Variants in STAG1 observed in about 807,000 individuals in gnomAD.
The protein encoded by STAG1 is cohesin subunit SA-1.
Under a neutral mutation model 170.9 loss-of-function variants are expected in STAG1, and 26 were observed. The observed-to-expected ratio is 0.15, with a 90% confidence interval of 0.11 to 0.21. STAG1 has a LOEUF of 0.21. STAG1 is among the 10% of genes least tolerant of loss of function. The probability of loss-of-function intolerance (pLI) is 1.00; values close to 1 mark genes in which losing one functional copy is unlikely to be tolerated. For missense variants in STAG1, 964 were observed against 1,509.5 expected (o/e 0.64, Z 5.99); for synonymous variants, 514 against 497.7 (o/e 1.03, Z -0.44).
chr3:136,708,559 A>G (rs1479618541), intron 1 of STAG1, among the ~76,000 whole-genome samples: 1 of 152,178 alleles, frequency 6.6e-6, no homozygotes, highest in East Asian at 1.9e-4. Flanking sequence ...GCACAACAAC[A>G]CAATTGCACT....
chr3:136,712,149 C>T (rs1449313163), intron 1 of STAG1, among the ~76,000 whole-genome samples: 1 of 152,206 alleles, frequency 6.6e-6, no homozygotes, highest in East Asian at 1.9e-4. Flanking sequence ...TCCTGAGTAA[C>T]TGGGATTACA....
rs185917166 is a variant in STAG1 at position 136,421,089 on chromosome 3, G to A, written c.2108+4C>T. ...TTGCCTTTACTTTAAATAAAATAACGTACTTGTGAAAAGAAGTTAACCGCT... is the reference window on the plus strand; with the variant it reads ...TTGCCTTTACTTTAAATAAAATAACATACTTGTGAAAAGAAGTTAACCGCT... On this transcript the variant is annotated splice_donor_region_variant and intron_variant, in intron 20 of 33. Coordinates refer to ENST00000383202, the MANE Select transcript of STAG1 (RefSeq NM_005862.3). The A allele has an allele frequency of 2.4e-3, 3,837 of 1,585,878 alleles. 14 individuals are homozygous for A. Among genetic ancestry groups the A allele is most frequent in the Admixed American group, 0.016 (952 of 57,748 alleles).
chr3:136,514,164 AAAGT>A (rs1934226765), intron 7 of STAG1, among the ~76,000 whole-genome samples: 1 of 152,238 alleles, frequency 6.6e-6, no homozygotes, highest in Admixed American at 6.5e-5. Flanking sequence ...ATGAAAACGA[AAAGT>A]ATGTTAAAAC....
intron 1 of STAG1, among the ~76,000 whole-genome samples, chr3:136,666,460 T>C (rs1434011426): frequency 6.6e-6 from 1 of 152,192 alleles, no homozygotes; most frequent in Non-Finnish European, 1.5e-5. Context: ...GTAACACTAG[T>C]TTTGCAGATC....
chr3:136,644,803 C>T (rs1313676510), intron 1 of STAG1, among the ~76,000 whole-genome samples: 2 of 152,126 alleles, frequency 1.3e-5, no homozygotes, highest in East Asian at 1.9e-4. Context: ...ATACTGGAAC[C>T]TCCCCTTCAC....
At chr3:136,362,209 T>G (rs1200924417) in intron 26 of STAG1, among the ~76,000 whole-genome samples, 1 of 151,966 alleles carries the variant, frequency 6.6e-6, no homozygotes, top group Non-Finnish European at 1.5e-5. Context: ...TCTACCCGCC[T>G]CGGCCTCCCA....
At chr3:136,358,597 C>G (rs1936743688) in intron 27 of STAG1, among the ~76,000 whole-genome samples, 1 of 152,080 alleles carries the variant, frequency 6.6e-6, no homozygotes, top group Non-Finnish European at 1.5e-5. Context: ...TTTTCAGAGT[C>G]AGGTTCTCAC....
At chr3:136,467,379 C>T (rs1214861142) in intron 12 of STAG1, among the ~76,000 whole-genome samples, 2 of 152,080 alleles carry the variant, frequency 1.3e-5, no homozygotes, top group Non-Finnish European at 2.9e-5. Flanking sequence ...ATAAAACAGA[C>T]TTTAAACCAA....
intron 21 of STAG1, among the ~76,000 whole-genome samples, chr3:136,399,554 T>C (rs2087258756): frequency 1.3e-5 from 2 of 152,222 alleles, no homozygotes; most frequent in African/African-American, 4.8e-5. Flanking sequence ...TGCATGTACC[T>C]AGAGTTCATT....
rs1305116151 is a variant in STAG1, at chr3:136,369,178, G to C, written c.2475C>G (p.Leu825=). The C allele has an allele frequency of 6.2e-7, 1 of 1,603,280 alleles. No homozygotes were observed. Residue 825 remains leucine (L), a synonymous_variant, in exon 24 of 34, where the codon CTC becomes CTG. Transcript: ENST00000383202. The part of the protein sequence containing the change: ...QPLVFNPDTG[L]QSELLSFVMD... Reference sequence around the variant, plus strand: ...TCACAAAACTGAGGAGTTCAGATTGGAGTCCAGTATCTGGATTGAACACCA... The same window carrying C: ...TCACAAAACTGAGGAGTTCAGATTGCAGTCCAGTATCTGGATTGAACACCA...
intron 5 of STAG1, among the ~76,000 whole-genome samples, chr3:136,565,003 A>AGGCAGGC (rs1937003058): frequency 1.6e-5 from 1 of 62,454 alleles, no homozygotes; most frequent in East Asian, 2.9e-4. Flanking sequence ...GGAAGGAAGG[A>AGGCAGGC]AGGAAGGAAG....
chr3:136,672,139 T>C (rs889501464), intron 1 of STAG1, among the ~76,000 whole-genome samples: 2 of 152,218 alleles, frequency 1.3e-5, no homozygotes, highest in Non-Finnish European at 2.9e-5. Flanking sequence ...CCTTAACCTG[T>C]AGCTGGCAGT....
intron 1 of STAG1, among the ~76,000 whole-genome samples, chr3:136,682,585 T>C (rs1228033174): frequency 6.6e-6 from 1 of 152,010 alleles, no homozygotes; most frequent in Non-Finnish European, 1.5e-5. Flanking sequence ...TACATTTTGA[T>C]ACACTTTTAA....
intron 1 of STAG1, among the ~76,000 whole-genome samples, chr3:136,638,210 T>C (rs2107844130): frequency 6.6e-6 from 1 of 151,738 alleles, no homozygotes; most frequent in Admixed American, 6.6e-5. Flanking sequence ...CTCAGCTCAC[T>C]GCAATCTCCG....
intron 21 of STAG1, among the ~76,000 whole-genome samples, chr3:136,411,174 A>G (rs1208592696): frequency 3.3e-5 from 5 of 152,242 alleles, no homozygotes; most frequent in Non-Finnish European, 5.9e-5. Flanking sequence ...ATTTTGTTCT[A>G]TGGCAAATAC....
At chr3:136,516,881 G>T (rs1287126907) in intron 7 of STAG1, among the ~76,000 whole-genome samples, 1 of 152,132 alleles carries the variant, frequency 6.6e-6, no homozygotes, top group Non-Finnish European at 1.5e-5. Context: ...AGACAGAGAC[G>T]AATATGAATT....
At chr3:136,692,042 C>T (rs1214888070) in intron 1 of STAG1, among the ~76,000 whole-genome samples, 1 of 152,108 alleles carries the variant, frequency 6.6e-6, no homozygotes, top group Non-Finnish European at 1.5e-5. Flanking sequence ...CAGCCAGGGG[C>T]AGTGGCTCAT....
At chr3:136,375,344 A>C (rs1937534688) in intron 23 of STAG1, among the ~76,000 whole-genome samples, 1 of 152,216 alleles carries the variant, frequency 6.6e-6, no homozygotes, top group Admixed American at 6.5e-5. Context: ...AGTTTATTAC[A>C]ATAGAAAGAT....
chr3:136,518,400 G>C (rs748831077), intron 7 of STAG1: 19 of 699,816 alleles, frequency 2.7e-5, no homozygotes, highest in Non-Finnish European at 3.4e-5. Context: ...ATTTTATCTA[G>C]TCCCCAAGAC....
Sources: gnomAD v4.1 joint callset for allele counts (sites outside exome capture counted in the v4.1 genomes callset) on GRCh38, gnomAD v4.1.1 for gene constraint, MANE v1.5 for transcripts, NCBI Gene and HGNC (gene_info 2026-07-23, HGNC 2026-07-21) for gene names.